Variants in BAIAP2L1 observed in about 807,000 individuals in gnomAD.
BAIAP2L1 encodes BAR/IMD domain containing adaptor protein 2 like 1.
In BAIAP2L1, 35 loss-of-function variants were observed where a neutral mutation model predicts 66.3. The ratio of observed to expected loss-of-function variants is 0.53; its 90% confidence interval spans 0.40 to 0.70. The LOEUF (loss-of-function observed/expected upper bound fraction) is 0.70, where lower values mean the gene tolerates loss of function less well. BAIAP2L1 is among the 30% of genes least tolerant of loss of function. The pLI, the probability that BAIAP2L1 is intolerant of heterozygous loss-of-function variation, is 0.00. For synonymous variants in BAIAP2L1, 269 were observed against 248.7 expected, an observed-to-expected ratio of 1.08 and a Z score of -0.77; for missense variants, 622 against 656.9, an observed-to-expected ratio of 0.95 and a Z score of 0.58.
intron 1 of BAIAP2L1, among the ~76,000 whole-genome samples, chr7:98,395,478 G>C (rs1389552903): frequency 6.6e-6 from 1 of 151,566 alleles, no homozygotes; most frequent in Non-Finnish European, 1.5e-5. Context: ...TACCCTTGGA[G>C]GGGTGCAGCG....
intron 3 of BAIAP2L1, among the ~76,000 whole-genome samples, chr7:98,347,018 CAACAA>C (rs917192537): frequency 4.0e-5 from 6 of 150,142 alleles, no homozygotes; most frequent in African/African-American, 1.5e-4. Flanking sequence ...ACAACAACAA[CAACAA>C]AACAAAACAA....
chr7:98,321,912 A>C (rs1801258034), intron 3 of BAIAP2L1, among the ~76,000 whole-genome samples: 1 of 152,100 alleles, frequency 6.6e-6, no homozygotes, highest in Non-Finnish European at 1.5e-5. Flanking sequence ...CCTGGCCAAC[A>C]CGGTGAAACC....
chr7:98,374,020 A>G (rs1002349737), intron 1 of BAIAP2L1, among the ~76,000 whole-genome samples: 2 of 152,036 alleles, frequency 1.3e-5, no homozygotes, highest in African/African-American at 4.8e-5. Context: ...AGGCAAGAAC[A>G]TGGTTTACTG....
chr7:98,306,557 CAT>C lies in BAIAP2L1; in HGVS notation c.1164-43_1164-42del, dbSNP rs748157748. The C allele has an allele frequency of 1.4e-5, 23 of 1,613,928 alleles. No individual in the cohort carries two copies. In the African/African-American group the frequency reaches 2.5e-4, roughly 18 times the overall value. ...GAGAAAAGACCCTATCAGCAGTAGA[CAT>C]GTGGACGGCAACCTCCCTGAACAAC... On this transcript the variant is annotated intron_variant, in intron 10 of 13. Coordinates refer to ENST00000005260, the MANE Select transcript of BAIAP2L1 (RefSeq NM_018842.5).
chr7:98,381,038 G>C (rs1005858121), intron 1 of BAIAP2L1, among the ~76,000 whole-genome samples: 1 of 152,072 alleles, frequency 6.6e-6, no homozygotes, highest in Non-Finnish European at 1.5e-5. Context: ...ACGCACCACT[G>C]GTCTGCAAAG....
In BAIAP2L1 at chr7:98,393,047, G is replaced by A. The variant is rs1004722113; in HGVS notation, c.51+7755C>T. On this transcript the variant is annotated intron_variant, in intron 1 of 13. Coordinates refer to ENST00000005260, the MANE Select transcript of BAIAP2L1 (RefSeq NM_018842.5). ...TACACACATATATATACATATATAC[G>A]TGTACATATATGTACACATATATGT... Among the ~76,000 whole-genome samples the A allele has an allele frequency of 7.4e-5, 6 of 81,544 alleles. 1 individual carries two copies. The highest frequency in any genetic ancestry group is 2.3e-4 in the Admixed American group (2 of 8,792). The allele number at this position is 81,544 out of a possible 152,430, so 53.5% of individuals were successfully genotyped here.
intron 2 of BAIAP2L1, among the ~76,000 whole-genome samples, chr7:98,357,053 T>A (rs55864854): frequency 0.042 from 612 of 14,696 alleles, 4 homozygotes; most frequent in African/African-American, 0.048. Flanking sequence ...ATATATATTT[T>A]TTTTTTTTTT....
At chr7:98,342,864 AG>A (rs952389315) in intron 3 of BAIAP2L1, among the ~76,000 whole-genome samples, 1 of 152,156 alleles carries the variant, frequency 6.6e-6, no homozygotes, top group African/African-American at 2.4e-5. Flanking sequence ...TGCTTGATTT[AG>A]GAACAAAACT....
chr7:98,307,255 GCCA>G (rs1157564817), intron 10 of BAIAP2L1: 1 of 337,894 alleles, frequency 3.0e-6, no homozygotes. Flanking sequence ...ACAGGCGCCT[GCCA>G]CCACGCCTGG....
chr7:98,337,251 T>G (rs1053786487), intron 3 of BAIAP2L1, among the ~76,000 whole-genome samples: 1 of 151,362 alleles, frequency 6.6e-6, no homozygotes, highest in African/African-American at 2.4e-5. Flanking sequence ...TTTTTTTTTT[T>G]GAAAGAGTCT....
intron 2 of BAIAP2L1, 122 bp from the exon 3 acceptor site, chr7:98,355,250 G>A: frequency 1.4e-6 from 1 of 720,354 alleles, no homozygotes. Context: ...GCTGTGGCAG[G>A]TGTGGCTCTC....
chr7:98,387,690 C>A (rs1301195335), intron 1 of BAIAP2L1, among the ~76,000 whole-genome samples: 1 of 145,000 alleles, frequency 6.9e-6, no homozygotes, highest in African/African-American at 2.5e-5. Flanking sequence ...TGAGGCAGGC[C>A]CTGTCTCTAC....
At chr7:98,298,808 A>G (rs1474515140) in intron 12 of BAIAP2L1, among the ~76,000 whole-genome samples, 1 of 152,074 alleles carries the variant, frequency 6.6e-6, no homozygotes, top group African/African-American at 2.4e-5. Context: ...CCAGCCCTCA[A>G]GGGTGCCAGA....
intron 13 of BAIAP2L1, 37 bp from the exon 14 acceptor site, chr7:98,293,633 T>C: frequency 1.3e-6 from 2 of 1,587,110 alleles, no homozygotes; most frequent in Non-Finnish European, 1.7e-6. Flanking sequence ...GAACTTCTGC[T>C]CTACGAGGGA....
At chr7:98,334,424 GT>G (rs563728880) in intron 3 of BAIAP2L1, among the ~76,000 whole-genome samples, 182 of 151,522 alleles carry the variant, frequency 1.2e-3, no homozygotes, top group African/African-American at 3.7e-3. Context: ...ATATTAGTCA[GT>G]TTTTTTTTAA....
At chr7:98,368,585 G>A (rs1309240193) in intron 1 of BAIAP2L1, among the ~76,000 whole-genome samples, 1 of 152,098 alleles carries the variant, frequency 6.6e-6, no homozygotes, top group African/African-American at 2.4e-5. Flanking sequence ...CAGCTACTTG[G>A]GGGGCTGAGG....
chr7:98,398,964 C>T (rs942099915), intron 1 of BAIAP2L1, among the ~76,000 whole-genome samples: 1 of 152,148 alleles, frequency 6.6e-6, no homozygotes, highest in African/African-American at 2.4e-5. Context: ...TTTGCAATGG[C>T]CTGCCTTCCT....
chr7:98,371,125 A>G (rs984458541), intron 1 of BAIAP2L1, among the ~76,000 whole-genome samples: 2 of 152,212 alleles, frequency 1.3e-5, no homozygotes, highest in Non-Finnish European at 2.9e-5. Flanking sequence ...GGCACTAAGA[A>G]TTAAAGGGCT....
At chr7:98,295,237 A>G (rs975141415) in intron 12 of BAIAP2L1, among the ~76,000 whole-genome samples, 1 of 152,174 alleles carries the variant, frequency 6.6e-6, no homozygotes, top group Non-Finnish European at 1.5e-5. Flanking sequence ...TTGGGTGTAC[A>G]GGCTGTGGAG....
Sources: gnomAD v4.1 joint callset for allele counts (sites outside exome capture counted in the v4.1 genomes callset) on GRCh38, gnomAD v4.1.1 for gene constraint, MANE v1.5 for transcripts, NCBI Gene and HGNC (gene_info 2026-07-23, HGNC 2026-07-21) for gene names.